The following CCDC116 variants were observed in gnomAD, a reference collection of about 807,000 sequenced individuals.
CCDC116 encodes the protein coiled-coil domain-containing protein 116.
A neutral mutation model predicts 29.4 loss-of-function variants in CCDC116; 24 were observed. That is an observed-to-expected ratio of 0.82 (90% confidence interval 0.59 to 1.15). The LOEUF (loss-of-function observed/expected upper bound fraction) is 1.15. Ranked by LOEUF, CCDC116 falls within the 50% of genes most tolerant of loss-of-function variation. The probability of loss-of-function intolerance (pLI) is 0.00; values close to 1 mark genes in which losing one functional copy is unlikely to be tolerated. For missense variants in CCDC116, 791 were observed against 804.0 expected, an observed-to-expected ratio of 0.98 and a Z score of 0.20; for synonymous variants, 298 against 331.4, an observed-to-expected ratio of 0.90 and a Z score of 1.10.
At chr22:21,635,416 GC>G in intron 4 of CCDC116, 150 bp downstream of exon 4, 1 of 768,630 alleles carries the variant, frequency 1.3e-6, no homozygotes, top group Non-Finnish European at 2.2e-6. Flanking sequence ...ACCTCACCCT[GC>G]CCACGCCAGG....
In CCDC116 at chr22:21,634,345, C is replaced by G; in HGVS notation, c.396C>G (p.Thr132=). ...CACATGCCCGGCCCAGCCTCAGCACCGTACACCGGCACCGTGTACGGCCGA... is the reference window on the plus strand; with the variant it reads ...CACATGCCCGGCCCAGCCTCAGCACGGTACACCGGCACCGTGTACGGCCGA... ...RRAHARPSLS[T]VHRHRVRPTL... Residue 132 remains threonine (T), a synonymous_variant, in exon 3 of 5, where the codon ACC becomes ACG. Transcript: ENST00000292779. The G allele has an allele frequency of 6.2e-7, 1 of 1,612,458 alleles. No homozygotes were observed. Among genetic ancestry groups the G allele is most frequent in the Non-Finnish European group, 8.5e-7 (1 of 1,179,402 alleles).
At position 21,634,297 on chromosome 22, in the gene CCDC116, G is replaced by A. The variant is rs1457038821; in HGVS notation, c.348G>A (p.Glu116=). The A allele has an allele frequency of 3.7e-6, 6 of 1,613,392 alleles. No individual in the cohort carries two copies. In the East Asian group the frequency reaches 1.1e-4, roughly 30 times the overall value. The change falls in exon 3 of 5, where the codon GAG becomes GAA. Residue 116 remains glutamate (E), a synonymous_variant. Coordinates refer to ENST00000292779, the MANE Select transcript of CCDC116 (RefSeq NM_152612.3). ...VPLVEVQDPV[E]VPSGGRRAHA... is the part of the protein sequence containing the mutation. Reference sequence around the variant, plus strand: ...TTGTGGAGGTGCAGGACCCAGTGGAGGTGCCAAGTGGTGGACGGCGGGCAC... The same window carrying A: ...TTGTGGAGGTGCAGGACCCAGTGGAAGTGCCAAGTGGTGGACGGCGGGCAC...
Position 21,634,533 on chromosome 22 carries a change from A to G in CCDC116, c.584A>G (p.Lys195Arg). The change falls in exon 3 of 5, where the codon AAG (lysine) becomes AGG (arginine). Residue 195 changes from lysine to arginine, a missense_variant. By Grantham distance (26) the Lys-to-Arg change is conservative. Coordinates refer to ENST00000292779, the MANE Select transcript of CCDC116 (RefSeq NM_152612.3). ...GTGAGGGACAAACTCCTGCTGGAGA[A>G]GAACCTCAAGCGGCTGCTACAGCTG... ...PPVRDKLLLE[K>R]NLKRLLQLER... The G allele has an allele frequency of 6.2e-7, 1 of 1,610,736 alleles. No homozygotes were observed. Among genetic ancestry groups the G allele is most frequent in the Non-Finnish European group, 8.5e-7 (1 of 1,177,458 alleles).
intron 4 of CCDC116, 66 bp downstream of exon 4, chr22:21,635,332 C>A: frequency 1.5e-6 from 2 of 1,362,716 alleles, no homozygotes; most frequent in Middle Eastern, 1.8e-4. Flanking sequence ...AGGCACCTGA[C>A]TCAGATCCCA....
rs1930662355 is a variant in CCDC116 at position 21,634,106 on chromosome 22, G to T, written c.157G>T (p.Gly53Cys). The T allele has an allele frequency of 6.2e-6, 10 of 1,614,218 alleles. No homozygotes were observed. Among genetic ancestry groups the T allele is most frequent in the Non-Finnish European group, 7.6e-6 (9 of 1,180,044 alleles). ...GRVPHPPSTC[G>C]SSALQGQRRN... The stretch of plus-strand genomic sequence containing the variant: ...TGTGCCACACCCACCATCCACATGT[G>T]GCAGCTCAGCACTCCAGGGCCAACG... The change falls in exon 3 of 5, where the codon GGC (glycine) becomes TGC (cysteine). Residue 53 changes from glycine to cysteine, a missense_variant. Coordinates refer to ENST00000292779, the MANE Select transcript of CCDC116 (RefSeq NM_152612.3).
chr22:21,636,427 T>C lies in CCDC116; in HGVS notation c.1204-5T>C, dbSNP rs1248304419. On this transcript the variant is annotated splice_polypyrimidine_tract_variant and splice_region_variant and intron_variant, in intron 4 of 4. Coordinates refer to ENST00000292779, the MANE Select transcript of CCDC116 (RefSeq NM_152612.3). Reference sequence around the variant, plus strand: ...TGTCCCTTTCCCTCCCCGGCTGCTATGCAGAGCCCCTGCAGCAGCAGCAGG... The same window carrying C: ...TGTCCCTTTCCCTCCCCGGCTGCTACGCAGAGCCCCTGCAGCAGCAGCAGG... 1.9e-6 allele frequency: 3 copies of C among 1,611,012 alleles called. No individual in the cohort carries two copies. Among genetic ancestry groups the C allele is most frequent in the Admixed American group, 3.3e-5 (2 of 59,960 alleles).
rs150723794 is a variant in CCDC116 at position 21,636,858 on chromosome 22, C to T, written c.1630C>T (p.Arg544Cys). 6.3e-4 allele frequency: 1,023 copies of T among 1,613,528 alleles called. 8 individuals carry two copies. The African/African-American group carries it at 0.012, about 19-fold the overall frequency. ...TAQDQATEPC[R>C]SLYTNLPASR... ...CCAGGACCAGGCCACAGAGCCCTGC[C>T]GCTCCCTCTACACCAACTTGCCAGC... Residue 544 changes from arginine (R) to cysteine (C), a missense_variant, in exon 5 of 5, where the codon CGC becomes TGC. Physicochemically the swap from Arg to Cys is radical, Grantham distance 180. Coordinates refer to ENST00000292779, the MANE Select transcript of CCDC116 (RefSeq NM_152612.3).
At position 21,636,711 on chromosome 22, in the gene CCDC116, C is replaced by T. The variant is rs202055808; in HGVS notation, c.1483C>T (p.Arg495Trp). ...SRIHLSSETH[R>W]SCLLRKLEES... ...CATCCACCTGTCCTCGGAGACCCAC[C>T]GGAGCTGCCTGCTGCGTAAACTGGA... The change falls in exon 5 of 5, where the codon CGG becomes TGG. Residue 495 changes from arginine to tryptophan, a missense_variant. Coordinates refer to ENST00000292779, the MANE Select transcript of CCDC116 (RefSeq NM_152612.3). The T allele has an allele frequency of 9.9e-5, 160 of 1,613,540 alleles. No homozygotes were observed. The highest frequency in any genetic ancestry group is 1.6e-4 in the Middle Eastern group (1 of 6,062).
chr22:21,634,021 G>A lies in CCDC116; in HGVS notation c.73-1G>A. 2 of 1,600,800 alleles carry A rather than the reference G, an allele frequency of 1.2e-6. No individual in the cohort carries two copies. The highest frequency in any genetic ancestry group is 1.7e-6 in the Non-Finnish European group (2 of 1,173,232). ...CCCCTGTGACATACCTGTCTGCTCA[G>A]GTGCAGCTGCCCAAGAAGCCACTGG... On this transcript the variant is annotated splice_acceptor_variant, in intron 2 of 4. Coordinates refer to ENST00000292779, the MANE Select transcript of CCDC116 (RefSeq NM_152612.3). LOFTEE classifies it high-confidence loss of function.
At position 21,634,024 on chromosome 22, in the gene CCDC116, G is replaced by A; in HGVS notation, c.75G>A (p.Val25=). 6.2e-7 allele frequency: 1 copy of A among 1,602,036 alleles called. No individual in the cohort carries two copies. The highest frequency in any genetic ancestry group is 8.5e-7 in the Non-Finnish European group (1 of 1,173,822). The change falls in exon 3 of 5, where the codon GTG becomes GTA. Residue 25 remains valine (V), a splice_region_variant and synonymous_variant. Transcript: ENST00000292779. ...CTGTGACATACCTGTCTGCTCAGGT[G>A]CAGCTGCCCAAGAAGCCACTGGTCC... ...EASHSMCSAR[V]QLPKKPLVPE... is the part of the protein sequence containing the mutation.
In CCDC116 at chr22:21,637,175, T is replaced by A; in HGVS notation, c.*105T>A. ...ACTAGCCACTCGATTCCCTGCTCTG[T>A]CAGAGTTGCTGCACATCACACCAGC... On this transcript the variant is annotated 3_prime_UTR_variant, in exon 5 of 5. Coordinates refer to ENST00000292779, the MANE Select transcript of CCDC116 (RefSeq NM_152612.3). The A allele has an allele frequency of 6.9e-7, 1 of 1,443,960 alleles. No individual in the cohort carries two copies. The highest frequency in any genetic ancestry group is 2.5e-4 in the Middle Eastern group (1 of 3,956). 89.4% of individuals were successfully genotyped at this position (1,443,960 alleles called of 1,614,324 possible). A position where few individuals can be genotyped will look rare whatever the true frequency, so the allele number is the denominator to read the frequency against.
chr22:21,636,947 C>T lies in CCDC116; in HGVS notation c.1719C>T (p.Ser573=). 1 of 1,613,878 alleles carries T rather than the reference C, an allele frequency of 6.2e-7. No individual in the cohort carries two copies. Among genetic ancestry groups the T allele is most frequent in the East Asian group, 2.2e-5 (1 of 44,878 alleles). ...TGTCTGCCTGCACCGGCATGGGTTC[C>T]AGTCCCCCCAAGTCCAAGGACATGG... The part of the protein sequence containing the change: ...LYMSACTGMG[S]SPPKSKDMDN... The change falls in exon 5 of 5, where the codon TCC becomes TCT. Residue 573 remains serine (S), a synonymous_variant. Transcript: ENST00000292779.
chr22:21,632,811 G>A lies in CCDC116; in HGVS notation c.-79G>A. 2.4e-6 allele frequency: 1 copy of A among 412,688 alleles called. No homozygotes were observed. Among genetic ancestry groups the A allele is most frequent in the Non-Finnish European group, 4.7e-6 (1 of 214,626 alleles). The allele number at this position is 412,688 out of a possible 1,614,324, so 25.6% of individuals were successfully genotyped here. On this transcript the variant is annotated 5_prime_UTR_variant, in exon 1 of 5. Coordinates refer to ENST00000292779, the MANE Select transcript of CCDC116 (RefSeq NM_152612.3). ...CGCAGACTGTACTGGCCTGTGCGGA[G>A]CAAGGCGGTGTTTCTGGTGAGTCTG...
chr22:21,634,193 G>C lies in CCDC116; in HGVS notation c.244G>C (p.Val82Leu). ...HFLDFLTESQ[V>L]LDSLETVVEK... is the part of the protein sequence containing the mutation. ...TCTGGATTTCCTAACTGAGAGCCAG[G>C]TCCTGGACAGCCTGGAGACAGTGGT... Residue 82 changes from valine (V) to leucine (L), a missense_variant, in exon 3 of 5, where the codon GTC becomes CTC. Physicochemically the swap from Val to Leu is conservative, Grantham distance 32. Coordinates refer to ENST00000292779, the MANE Select transcript of CCDC116 (RefSeq NM_152612.3). The C allele has an allele frequency of 6.2e-7, 1 of 1,614,260 alleles. No individual in the cohort carries two copies. The highest frequency in any genetic ancestry group is 8.5e-7 in the Non-Finnish European group (1 of 1,180,042).
At position 21,634,958 on chromosome 22, in the gene CCDC116, C is replaced by G. The variant is rs535688891; in HGVS notation, c.895C>G (p.Arg299Gly). The G allele has an allele frequency of 2.5e-6, 4 of 1,613,278 alleles. No individual in the cohort carries two copies. The highest frequency in any genetic ancestry group is 3.4e-6 in the Non-Finnish European group (4 of 1,180,028). ...CTACTGTCCGCTCCGTGAGCCCCAT[C>G]GCACGCTGAACTTCCTGGCTGACCA... ...PGYCPLREPH[R>G]TLNFLADHRL... Residue 299 changes from arginine to glycine, a missense_variant, in exon 4 of 5, where the codon CGC (arginine) becomes GGC (glycine). By Grantham distance (125) the Arg-to-Gly change is moderately radical. Coordinates refer to ENST00000292779, the MANE Select transcript of CCDC116 (RefSeq NM_152612.3).
chr22:21,635,241 A>C lies in CCDC116; in HGVS notation c.1178A>C (p.Gln393Pro). 6.3e-7 allele frequency: 1 copy of C among 1,599,434 alleles called. No homozygotes were observed. The highest frequency in any genetic ancestry group is 8.5e-7 in the Non-Finnish European group (1 of 1,179,896). Residue 393 changes from glutamine (Q) to proline (P), a missense_variant, in exon 4 of 5, where the codon CAG becomes CCG. Coordinates refer to ENST00000292779, the MANE Select transcript of CCDC116 (RefSeq NM_152612.3). ...RGGSPSMSSAQVATRFKLKSP... is the reference protein window; with the variant it reads ...RGGSPSMSSAPVATRFKLKSP... Reference sequence around the variant, plus strand: ...GGCTCCCCCTCCATGTCTAGTGCCCAGGTGGCCACCAGATTCAAACTCAAG... The same window carrying C: ...GGCTCCCCCTCCATGTCTAGTGCCCCGGTGGCCACCAGATTCAAACTCAAG...
At position 21,635,668 on chromosome 22, in the gene CCDC116, T is replaced by C. The variant is rs751561520; in HGVS notation, c.1203+402T>C. 7.9e-4 allele frequency: 541 copies of C among 685,172 alleles called. 3 individuals carry two copies. The highest frequency in any genetic ancestry group is 3.7e-3 in the South Asian group (238 of 64,726). 42.4% of individuals were successfully genotyped at this position (685,172 alleles called of 1,614,324 possible). The stretch of plus-strand genomic sequence containing the variant: ...AGCAGCCACTGTCACTAACAGGTGC[T>C]CAAGGTCAAGGTCTCTTGCCCTGCA... On this transcript the variant is annotated intron_variant, in intron 4 of 4. Coordinates refer to ENST00000292779, the MANE Select transcript of CCDC116 (RefSeq NM_152612.3).
In CCDC116 at chr22:21,633,161, G is replaced by A. The variant is rs754859285; in HGVS notation, c.-21G>A. 7 of 1,548,308 alleles carry A rather than the reference G, an allele frequency of 4.5e-6. No homozygotes were observed. Among genetic ancestry groups the A allele is most frequent in the East Asian group, 4.9e-5 (2 of 40,986 alleles). ...GAAGAGAGAGGTGGGCAGCAGGCCC[G>A]GTCACCTGCCAGGTGACCACATGGC... On this transcript the variant is annotated 5_prime_UTR_variant, in exon 2 of 5. Transcript: ENST00000292779.
Position 21,634,817 on chromosome 22 carries a change from G to A in CCDC116, c.754G>A (p.Val252Met), listed in dbSNP as rs75710587. ...AGGGCTGCTGGGCTCAAGCTCTGGC[G>A]TGCCTGAAGCATCAGAGCCGAGGCC... Reference protein sequence around the residue: ...FSGLLGSSSGVPEASEPRPGE... With the variant: ...FSGLLGSSSGMPEASEPRPGE... Residue 252 changes from valine to methionine, a missense_variant, in exon 4 of 5, where the codon GTG becomes ATG. Coordinates refer to ENST00000292779, the MANE Select transcript of CCDC116 (RefSeq NM_152612.3). 2,342 of 1,614,006 alleles carry A rather than the reference G, an allele frequency of 1.5e-3. 30 individuals are homozygous for A. In the African/African-American group the frequency reaches 0.028, roughly 19 times the overall value.
Sources: gnomAD v4.1 joint callset for allele counts on GRCh38, gnomAD v4.1.1 for gene constraint, MANE v1.5 for transcripts, NCBI Gene and HGNC (gene_info 2026-07-23, HGNC 2026-07-21) for gene names.